Variants in PTCH1 observed in about 807,000 individuals in gnomAD.
The protein encoded by PTCH1 is patched 1, also known as protein patched homolog 1.
A neutral mutation model predicts 144.6 loss-of-function variants in PTCH1; 14 were observed. The observed-to-expected ratio is 0.10, with a 90% CI of 0.06 to 0.15. The LOEUF (loss-of-function observed/expected upper bound fraction) is 0.15. Ranked by LOEUF, PTCH1 falls within the 10% of genes least tolerant of loss-of-function variation. The pLI, the probability that PTCH1 is intolerant of heterozygous loss-of-function variation, is 1.00. For missense variants in PTCH1, 1,623 were observed against 1,948.3 expected, an observed-to-expected ratio of 0.83 and a Z score of 3.14; for synonymous variants, 833 against 793.6, an observed-to-expected ratio of 1.05 and a Z score of -0.83.
chr9:95,453,903 C>G (rs141901521), intron 19 of PTCH1, among the ~76,000 whole-genome samples: 1 of 152,152 alleles, frequency 6.6e-6, no homozygotes, highest in East Asian at 1.9e-4. Context: ...CTGATACTCA[C>G]CCCGAAGTTT....
At chr9:95,472,825 T>C (rs1252259555) in intron 12 of PTCH1, among the ~76,000 whole-genome samples, 6 of 152,180 alleles carry the variant, frequency 3.9e-5, no homozygotes, top group African/African-American at 1.4e-4. Context: ...TCCCCAGGTG[T>C]ACACCAAAAT....
intron 12 of PTCH1, among the ~76,000 whole-genome samples, chr9:95,470,849 T>C (rs968881493): frequency 2.0e-5 from 3 of 151,944 alleles, no homozygotes; most frequent in Non-Finnish European, 4.4e-5. Context: ...CTGAGGTGGG[T>C]GGATCACGGG....
intron 1 of PTCH1, chr9:95,506,904 G>A (rs1843706625): frequency 9.0e-7 from 1 of 1,113,364 alleles, no homozygotes; most frequent in Non-Finnish European, 1.1e-6. Context: ...GAGGTAGAGA[G>A]GAGAGAAACC....
At chr9:95,511,039 G>A (rs1844128518), upstream of PTCH1, among the ~76,000 whole-genome samples, 1 of 150,018 alleles carries the variant, frequency 6.7e-6, no homozygotes, top group Non-Finnish European at 1.5e-5. Flanking sequence ...AGGCGGACCG[G>A]CCCCCTTACG....
chr9:95,511,139 G>A (rs993390546), upstream of PTCH1, among the ~76,000 whole-genome samples: 23 of 149,760 alleles, frequency 1.5e-4, no homozygotes, highest in Non-Finnish European at 2.7e-4. Flanking sequence ...CTGGCTGCCC[G>A]GGCGCGCTGG....
At chr9:95,494,817 A>C (rs1229995670) in intron 2 of PTCH1, 2 of 152,396 alleles carry the variant, frequency 1.3e-5, no homozygotes, top group African/African-American at 2.4e-5. Context: ...ACAAAACCCA[A>C]GTGCTTCCAC....
chr9:95,476,865 A>G lies in PTCH1; in HGVS notation c.1504-8T>C, dbSNP rs2277184. ...AGCGAGAAATGGCAAAACCTACAGC[A>G]AAAACAGAGGATGGTGGCATTAGAC... On this transcript the variant is annotated splice_region_variant and splice_polypyrimidine_tract_variant and intron_variant, in intron 10 of 23. Transcript: ENST00000331920. The surrounding 1 kb of genome is among the most constrained non-coding windows in gnomAD (Gnocchi z 4.6). 43,306 of 1,612,438 alleles carry G rather than the reference A, an allele frequency of 0.027. 2,220 individuals are homozygous for G. The highest frequency in any genetic ancestry group is 0.2 in the African/African-American group (14,835 of 74,910).
intron 9 of PTCH1, 122 bp downstream of exon 9, chr9:95,477,929 GCTCT>G: frequency 6.5e-7 from 1 of 1,542,122 alleles, no homozygotes; most frequent in Non-Finnish European, 8.9e-7. Context: ...GTGAAGCCAC[GCTCT>G]CTCTGTCCTG....
At chr9:95,483,734 C>T (rs1256622769) in intron 3 of PTCH1, 1 of 152,264 alleles carries the variant, frequency 6.6e-6, no homozygotes, top group African/African-American at 2.4e-5. Flanking sequence ...CTGTGCCTAA[C>T]TTACCCATAT....
In PTCH1 at chr9:95,478,199, C is replaced by T. The variant is rs780627771; in HGVS notation, c.1216-13G>A. ...TCTGATGAACCACCTGTGGTCACAA[C>T]AGAATGCGAAATGCCCAAATGCAAT... is the stretch of plus-strand genomic sequence containing the variant. On this transcript the variant is annotated splice_polypyrimidine_tract_variant and intron_variant, in intron 8 of 23. Coordinates refer to ENST00000331920, the MANE Select transcript of PTCH1 (RefSeq NM_000264.5). The T allele has an allele frequency of 1.2e-5, 20 of 1,614,058 alleles. No individual in the cohort carries two copies. The South Asian group carries it at 1.9e-4, about 15-fold the overall frequency.
At position 95,478,097 on chromosome 9, in the gene PTCH1, A is replaced by G; in HGVS notation, c.1305T>C (p.Ser435=). 6.2e-7 allele frequency: 1 copy of G among 1,614,206 alleles called. No individual in the cohort carries two copies. Among genetic ancestry groups the G allele is most frequent in the South Asian group, 1.1e-5 (1 of 91,080 alleles). The change falls in exon 9 of 24, where the codon TCT becomes TCC. Residue 435 remains serine (S), a synonymous_variant. Coordinates refer to ENST00000331920, the MANE Select transcript of PTCH1 (RefSeq NM_000264.5). The part of the protein sequence containing the change: ...TTLDDILKSF[S]DVSVIRVASG... ...TGGCCACGCGGATGACACTGACGTCAGAGAAGGATTTCAGGATGTCGTCCA... is the reference window on the plus strand; with the variant it reads ...TGGCCACGCGGATGACACTGACGTCGGAGAAGGATTTCAGGATGTCGTCCA...
At position 95,501,539 on chromosome 9, in the gene PTCH1, T is replaced by TAAA. The variant is rs35918689; in HGVS notation, c.394+4865_394+4867dup. Among the ~76,000 whole-genome samples the TAAA allele has an allele frequency of 2.7e-4, 40 of 145,468 alleles. 1 individual carries two copies. In the East Asian group the frequency reaches 7.2e-3, roughly 26 times the overall value. On this transcript the variant is annotated intron_variant, in intron 2 of 23. Transcript: ENST00000331920. The stretch of plus-strand genomic sequence containing the variant: ...AAAAAACAATTTCTTCTATTTTTCT[T>TAAA]AAAAAAAAAAAAAAGTCAAAGTCAC...
chr9:95,450,030 C>G (rs2136609375), intron 20 of PTCH1, 90 bp from the exon 21 acceptor site: 1 of 1,152,430 alleles, frequency 8.7e-7, no homozygotes, highest in East Asian at 2.5e-5. Context: ...ATGGCAACGC[C>G]AGAAATGAAC....
In PTCH1 at chr9:95,516,726, G is replaced by A. The variant is rs1339622636; in HGVS notation, c.-255C>T. ...TCCGTCTTTACAAAAGGAACGGAAA[G>A]TGTAAAAACCCCGGCGCGCTGGGCC... On this transcript the variant is annotated 5_prime_UTR_variant, in exon 1 of 23. Transcript: ENST00000430669. 7.4e-6 allele frequency: 12 copies of A among 1,613,260 alleles called. No homozygotes were observed. Among genetic ancestry groups the A allele is most frequent in the Admixed American group, 1.7e-5 (1 of 59,912 alleles).
chr9:95,444,949 T>A lies in PTCH1; in HGVS notation c.*1444A>T, dbSNP rs575109726. On this transcript the variant is annotated 3_prime_UTR_variant, in exon 24 of 24. Transcript: ENST00000331920. ...TACATCTTTCAGTGGGGTGTGTCCA[T>A]CCTCCTGCTTTCCCACATCACATTG... 1 of 152,362 alleles carries A rather than the reference T, an allele frequency of 6.6e-6. No homozygotes were observed. Among genetic ancestry groups the A allele is most frequent in the East Asian group, 1.9e-4 (1 of 5,180 alleles). The allele number at this position is 152,362 out of a possible 1,614,324, so 9.4% of individuals were successfully genotyped here.
intron 5 of PTCH1, chr9:95,481,726 T>C (rs1169586015): frequency 5.1e-6 from 3 of 582,786 alleles, no homozygotes; most frequent in Non-Finnish European, 9.1e-6. Flanking sequence ...TTGGTAAAAG[T>C]GAATGAAATT....
chr9:95,515,315 C>T (rs967217647), intron 1 of PTCH1, among the ~76,000 whole-genome samples: 4 of 152,168 alleles, frequency 2.6e-5, no homozygotes, highest in Non-Finnish European at 5.9e-5. Context: ...CATTGTGGCT[C>T]TTTATTATTT....
chr9:95,450,979 G>A (rs1028701261), intron 20 of PTCH1: 2 of 151,386 alleles, frequency 1.3e-5, no homozygotes, highest in Admixed American at 1.3e-4. Context: ...GCTGGGGTAG[G>A]GGAGAGGCTC....
intron 20 of PTCH1, chr9:95,451,745 A>C (rs1353331937): frequency 2.0e-5 from 3 of 152,256 alleles, no homozygotes; most frequent in Admixed American, 2.0e-4. Context: ...GAAAGTAAAT[A>C]TGCAAAAGAA....
Sources: gnomAD v4.1 joint callset for allele counts (sites outside exome capture counted in the v4.1 genomes callset) on GRCh38, gnomAD v4.1.1 for gene constraint, Gnocchi (gnomAD v3.1) non-coding constraint, MANE v1.5 for transcripts, NCBI Gene and HGNC (gene_info 2026-07-23, HGNC 2026-07-21) for gene names.